Variants in TENM3 observed in about 807,000 individuals in gnomAD.
TENM3 encodes the protein teneurin transmembrane protein 3.
Under a neutral mutation model 255.1 loss-of-function variants are expected in TENM3, and 63 were observed. The observed-to-expected ratio is 0.25, with a 90% CI of 0.20 to 0.30. TENM3 has a LOEUF of 0.30. Among genes scored for constraint, TENM3 ranks in the 10% least tolerant of loss-of-function variants. TENM3 has a pLI of 1.00. For missense variants in TENM3, 2,929 were observed against 3,461.1 expected (o/e 0.85, Z 3.86); for synonymous variants, 1,306 against 1,322.3 (o/e 0.99, Z 0.27).
chr4:182,177,519 C>A (rs1049049059), intron 1 of TENM3, among the ~76,000 whole-genome samples: 4 of 150,858 alleles, frequency 2.7e-5, no homozygotes, highest in Non-Finnish European at 5.9e-5. Context: ...TGAAAATTAT[C>A]AAATTAGGCA....
At chr4:182,101,114 A>G in the TENM3 span, among the ~76,000 whole-genome samples, 471 of 4,840 alleles carry the variant, frequency 0.097, 14 homozygotes, top group Admixed American at 0.17. Context: ...GAGGAAGGAA[A>G]GAAGGAAGGA....
the TENM3 span, among the ~76,000 whole-genome samples, chr4:181,819,791 G>T: frequency 2.0e-5 from 3 of 152,150 alleles, no homozygotes; most frequent in African/African-American, 7.2e-5. Context: ...AGGCCCTAAT[G>T]CTCACTTGCT....
the TENM3 span, among the ~76,000 whole-genome samples, chr4:182,092,291 C>T: frequency 1.2e-4 from 18 of 151,954 alleles, no homozygotes; most frequent in Admixed American, 3.9e-4. Context: ...GTTGAGATGG[C>T]GCCACTACAC....
At chr4:181,884,250 A>G in the TENM3 span, among the ~76,000 whole-genome samples, 1 of 152,152 alleles carries the variant, frequency 6.6e-6, no homozygotes, top group African/African-American at 2.4e-5. Context: ...GACTTGAATT[A>G]CTACGAATTT....
At chr4:181,598,753 T>C in the TENM3 span, among the ~76,000 whole-genome samples, 1 of 151,894 alleles carries the variant, frequency 6.6e-6, no homozygotes, top group Non-Finnish European at 1.5e-5. Context: ...AGCTATGAAA[T>C]TCTGACCAGA....
chr4:182,455,828 C>CTG (rs536188101), intron 3 of TENM3, among the ~76,000 whole-genome samples: 105 of 152,272 alleles, frequency 6.9e-4, no homozygotes, highest in Admixed American at 3.7e-3. Flanking sequence ...TCCCAAAGTG[C>CTG]TGGGATGATA....
intron 1 of TENM3, among the ~76,000 whole-genome samples, chr4:182,288,183 T>C (rs888511763): frequency 6.6e-6 from 1 of 151,852 alleles, no homozygotes; most frequent in African/African-American, 2.4e-5. Context: ...TGATCCACCC[T>C]CCTCGGCCTC....
intron 1 of TENM3, among the ~76,000 whole-genome samples, chr4:182,266,011 C>G (rs1232260732): frequency 1.3e-5 from 2 of 152,206 alleles, no homozygotes; most frequent in African/African-American, 4.8e-5. Flanking sequence ...TTAAAATTTA[C>G]CTACCTTACC....
At chr4:181,921,836 G>T in the TENM3 span, among the ~76,000 whole-genome samples, 1 of 152,064 alleles carries the variant, frequency 6.6e-6, no homozygotes, top group African/African-American at 2.4e-5. Context: ...AATGCTTCCA[G>T]TTTTTGCCCA....
In TENM3 at chr4:182,621,717, A is replaced by AT. The variant is rs1561016495; in HGVS notation, c.750-6933dup. Among the ~76,000 whole-genome samples the AT allele has an allele frequency of 4.9e-4, 50 of 101,338 alleles. 2 individuals carry two copies. The highest frequency in any genetic ancestry group is 1.9e-3 in the African/African-American group (46 of 24,672). 66.5% of individuals were successfully genotyped at this position (101,338 alleles called of 152,430 possible). On this transcript the variant is annotated intron_variant, in intron 4 of 27. Coordinates refer to ENST00000511685, the MANE Select transcript of TENM3 (RefSeq NM_001080477.4). Reference sequence around the variant, plus strand: ...ATATTATATATAAAATATATAATATATATTATATATAAAATATATAATATA... The same window carrying AT: ...ATATTATATATAAAATATATAATATATTATTATATATAAAATATATAATATA...
intron 1 of TENM3, among the ~76,000 whole-genome samples, chr4:182,183,058 G>A (rs542513930): frequency 4.3e-4 from 66 of 152,230 alleles, no homozygotes; most frequent in Middle Eastern, 3.4e-3. Flanking sequence ...GTTCTGGTTA[G>A]GAGAAATATA....
At chr4:182,066,415 A>T in the TENM3 span, among the ~76,000 whole-genome samples, 1 of 152,104 alleles carries the variant, frequency 6.6e-6, no homozygotes, top group South Asian at 2.1e-4. Context: ...TAACAACAAC[A>T]ACGATAAGGA....
chr4:181,981,037 C>T, the TENM3 span, among the ~76,000 whole-genome samples: 1 of 152,168 alleles, frequency 6.6e-6, no homozygotes, highest in African/African-American at 2.4e-5. Flanking sequence ...TCCAGGACTC[C>T]AACACCCCCA....
chr4:182,020,722 A>G, the TENM3 span, among the ~76,000 whole-genome samples: 1 of 152,180 alleles, frequency 6.6e-6, no homozygotes, highest in African/African-American at 2.4e-5. Flanking sequence ...CAAAGTAAGC[A>G]TTTCAATGAA....
chr4:182,753,629 T>C, intron 21 of TENM3, 25 bp downstream of exon 21: 1 of 1,609,852 alleles, frequency 6.2e-7, no homozygotes, highest in South Asian at 1.1e-5. Context: ...AGCGGACTTG[T>C]TTGTTTTTCC....
the TENM3 span, among the ~76,000 whole-genome samples, chr4:181,672,749 G>T: frequency 6.6e-6 from 1 of 152,160 alleles, no homozygotes; most frequent in African/African-American, 2.4e-5. Flanking sequence ...TATGTGCCAG[G>T]AACTGTGCTA....
At chr4:182,545,015 T>G (rs78258812) in intron 3 of TENM3, among the ~76,000 whole-genome samples, 6,748 of 152,258 alleles carry the variant, frequency 0.044, 244 homozygotes, top group East Asian at 0.095. Context: ...CTCATTTAAA[T>G]AAATTCCCCT....
intron 3 of TENM3, among the ~76,000 whole-genome samples, chr4:182,571,192 A>G (rs544598130): frequency 5.3e-5 from 8 of 152,264 alleles, no homozygotes; most frequent in African/African-American, 1.9e-4. Context: ...CTGTATTATC[A>G]TGAGGACATG....
chr4:181,525,844 C>G, the TENM3 span, among the ~76,000 whole-genome samples: 38 of 152,276 alleles, frequency 2.5e-4, no homozygotes, highest in South Asian at 7.5e-3. Flanking sequence ...ACTTTGCACG[C>G]GCTACTTCTC....
Sources: allele counts gnomAD v4.1 joint callset (sites outside exome capture counted in the v4.1 genomes callset), GRCh38; gene constraint gnomAD v4.1.1; transcripts MANE v1.5; gene names NCBI Gene and HGNC (gene_info 2026-07-23, HGNC 2026-07-21).